SEMA5A: variants seen among roughly 807,000 people sequenced by gnomAD.
The protein encoded by SEMA5A is semaphorin 5A.
SEMA5A carries 55 observed loss-of-function variants against 135.5 expected under a neutral mutation model. The observed-to-expected ratio is 0.41, with a 90% confidence interval of 0.33 to 0.51. The LOEUF (loss-of-function observed/expected upper bound fraction) is 0.51. SEMA5A is among the 20% of genes least tolerant of loss of function. The pLI is 0.37. For missense variants in SEMA5A, 1,290 were observed against 1,419.9 expected (o/e 0.91, Z 1.47); for synonymous variants, 580 against 546.5 (o/e 1.06, Z -0.85).
In SEMA5A at chr5:9,204,311, A is replaced by T. The variant is rs1187087436; in HGVS notation, c.647-2071T>A. 1.3e-5 allele frequency among the ~76,000 whole-genome samples: 2 copies of T among 152,206 alleles called. No homozygotes were observed. The highest frequency in any genetic ancestry group is 2.9e-5 in the Non-Finnish European group (2 of 68,038). Reference sequence around the variant, plus strand: ...GGACTTAGGTTACCAGCACACATGCAGGAGGTCCACCAAAACTTATCAAAT... The same window carrying T: ...GGACTTAGGTTACCAGCACACATGCTGGAGGTCCACCAAAACTTATCAAAT... On this transcript the variant is annotated intron_variant, in intron 8 of 22. Coordinates refer to ENST00000382496, the MANE Select transcript of SEMA5A (RefSeq NM_003966.3). The surrounding 1 kb of genome is among the most constrained non-coding windows in gnomAD (Gnocchi z 6.4).
At chr5:9,410,482 G>A (rs1757065284) in intron 2 of SEMA5A, among the ~76,000 whole-genome samples, 1 of 152,116 alleles carries the variant, frequency 6.6e-6, no homozygotes, top group Non-Finnish European at 1.5e-5. Flanking sequence ...ATCTAGCAAA[G>A]CATTCAGGCT....
intron 9 of SEMA5A, among the ~76,000 whole-genome samples, chr5:9,201,095 G>T (rs1041630022): frequency 3.3e-5 from 5 of 152,180 alleles, no homozygotes; most frequent in African/African-American, 9.7e-5. Context: ...CAAGACAAGA[G>T]ATTTCAAAGG....
In SEMA5A at chr5:9,156,424, G is replaced by T. The variant is rs55878016; in HGVS notation, c.1274-1729C>A. Among the ~76,000 whole-genome samples, 1,492 of 152,260 alleles carry T rather than the reference G, an allele frequency of 9.8e-3. 17 individuals carry two copies. The highest frequency in any genetic ancestry group is 0.051 in the Middle Eastern group (15 of 294). On this transcript the variant is annotated intron_variant, in intron 11 of 22. Coordinates refer to ENST00000382496, the MANE Select transcript of SEMA5A (RefSeq NM_003966.3). ...TGTCAGCCACAGGCCCTGCAAGGAG[G>T]TCCCCATGAGGCACCAGCAGAGGGA...
chr5:9,151,134 C>A (rs1742613979), intron 12 of SEMA5A, among the ~76,000 whole-genome samples: 1 of 152,082 alleles, frequency 6.6e-6, no homozygotes, highest in Non-Finnish European at 1.5e-5. Context: ...ACATAATAAT[C>A]CCGCCAAATT....
chr5:9,245,363 C>T (rs919235219), intron 5 of SEMA5A, among the ~76,000 whole-genome samples: 2 of 151,944 alleles, frequency 1.3e-5, no homozygotes, highest in African/African-American at 4.8e-5. Context: ...GGAACCTATC[C>T]CCCGTAGATA....
chr5:9,331,628 T>A (rs569559064), intron 4 of SEMA5A, among the ~76,000 whole-genome samples: 18 of 152,338 alleles, frequency 1.2e-4, no homozygotes, highest in African/African-American at 3.8e-4. Flanking sequence ...ATTTTCTTTG[T>A]CTTGTTTCTG....
At chr5:9,140,402 G>A (rs6555593) in intron 12 of SEMA5A, among the ~76,000 whole-genome samples, 44,809 of 152,066 alleles carry the variant, frequency 0.29, 6,704 homozygotes, top group Non-Finnish European at 0.32. Context: ...TTATCCAGGT[G>A]TCAGCAATTT....
intron 16 of SEMA5A, among the ~76,000 whole-genome samples, chr5:9,081,956 G>GA: frequency 6.6e-6 from 1 of 152,274 alleles, no homozygotes; most frequent in Non-Finnish European, 1.5e-5. Flanking sequence ...AGTGCTACAG[G>GA]AAAAGCATCT....
Position 9,333,445 on chromosome 5 carries a change from C to T in SEMA5A, c.224+4268G>A, listed in dbSNP as rs115890613. On this transcript the variant is annotated intron_variant, in intron 4 of 22. Coordinates refer to ENST00000382496, the MANE Select transcript of SEMA5A (RefSeq NM_003966.3). ...GCACAGAATACATATCAGAGTAATT[C>T]GGGATGGAATCACTTGCCACCCTTA... is the stretch of plus-strand genomic sequence containing the variant. 7.8e-3 allele frequency among the ~76,000 whole-genome samples: 1,189 copies of T among 152,284 alleles called. 16 individuals carry two copies. Among genetic ancestry groups the T allele is most frequent in the African/African-American group, 0.027 (1,133 of 41,554 alleles).
chr5:9,381,985 C>CGT (rs1755639577), intron 2 of SEMA5A, among the ~76,000 whole-genome samples: 2 of 49,174 alleles, frequency 4.1e-5, no homozygotes, highest in Non-Finnish European at 1.2e-4. Context: ...TGTGTGTGCG[C>CGT]GCGCGCGCAC....
intron 16 of SEMA5A, among the ~76,000 whole-genome samples, chr5:9,067,209 A>G (rs1240354633): frequency 6.6e-6 from 1 of 152,172 alleles, no homozygotes; most frequent in Non-Finnish European, 1.5e-5. Flanking sequence ...CTGAGAGTAC[A>G]CTAAAATGTA....
chr5:9,221,299 CTTTTTTTTTTT>C (rs869063755), intron 8 of SEMA5A, among the ~76,000 whole-genome samples: 2 of 103,234 alleles, frequency 1.9e-5, no homozygotes, highest in African/African-American at 3.7e-5. Context: ...CGAACATTTT[CTTTTTTTTTTT>C]TTTTTTTTTT....
At chr5:9,264,606 G>T (rs138259141) in intron 5 of SEMA5A, among the ~76,000 whole-genome samples, 1 of 152,044 alleles carries the variant, frequency 6.6e-6, no homozygotes, top group Non-Finnish European at 1.5e-5. Context: ...CAGGTTGCTG[G>T]GGGTGTGGCA....
Position 9,454,090 on chromosome 5 carries a change from C to T in SEMA5A, c.-174-16238G>A, listed in dbSNP as rs570239247. Among the ~76,000 whole-genome samples the T allele has an allele frequency of 5.8e-4, 88 of 152,276 alleles. 2 individuals are homozygous for T. In the South Asian group the frequency reaches 0.016, roughly 28 times the overall value. On this transcript the variant is annotated intron_variant, in intron 1 of 22. Transcript: ENST00000382496. Reference sequence around the variant, plus strand: ...ACTGTCTAGCACTAGCCACCCTGGGCGGAGACCTTTCTGAAGTCATCCTGG... The same window carrying T: ...ACTGTCTAGCACTAGCCACCCTGGGTGGAGACCTTTCTGAAGTCATCCTGG...
chr5:9,349,855 T>A (rs925467022), intron 3 of SEMA5A, among the ~76,000 whole-genome samples: 1 of 152,044 alleles, frequency 6.6e-6, no homozygotes, highest in African/African-American at 2.4e-5. Context: ...TGTGCCGAGA[T>A]TGCGCCACTG....
intron 21 of SEMA5A, among the ~76,000 whole-genome samples, chr5:9,047,754 A>G (rs1377253159): frequency 6.6e-6 from 1 of 152,198 alleles, no homozygotes; most frequent in Non-Finnish European, 1.5e-5. Context: ...TGCCTATGCC[A>G]TTGTGCCAGT....
At chr5:9,163,127 G>A (rs1743386025) in intron 11 of SEMA5A, among the ~76,000 whole-genome samples, 1 of 152,032 alleles carries the variant, frequency 6.6e-6, no homozygotes, top group South Asian at 2.1e-4. Flanking sequence ...TGACTACACA[G>A]AAAACTAGTG....
chr5:9,406,477 C>A (rs747306871), intron 2 of SEMA5A, among the ~76,000 whole-genome samples: 2 of 152,046 alleles, frequency 1.3e-5, no homozygotes, highest in Non-Finnish European at 2.9e-5. Context: ...GGGAAAAAAC[C>A]AGCAACACTG....
At position 9,400,500 on chromosome 5, in the gene SEMA5A, C is replaced by CTTTTT. The variant is rs1176889691; in HGVS notation, c.-77-20478_-77-20477insAAAAA. Among the ~76,000 whole-genome samples the CTTTTT allele has an allele frequency of 2.3e-4, 20 of 85,392 alleles. 1 individual carries two copies. Among genetic ancestry groups the CTTTTT allele is most frequent in the South Asian group, 3.7e-4 (1 of 2,722 alleles). The allele number at this position is 85,392 out of a possible 152,430, so 56.0% of individuals were successfully genotyped here. On this transcript the variant is annotated intron_variant, in intron 2 of 22. Transcript: ENST00000382496. ...TCTTCAATAGTTTGAACACAATGTA[C>CTTTTT]ATTTTTTTTTTTTTTTTTTTTTTTG...
Sources: gnomAD v4.1 joint callset for allele counts (sites outside exome capture counted in the v4.1 genomes callset) on GRCh38, gnomAD v4.1.1 for gene constraint, Gnocchi (gnomAD v3.1) non-coding constraint, MANE v1.5 for transcripts, NCBI Gene and HGNC (gene_info 2026-07-23, HGNC 2026-07-21) for gene names.